EIF4B: variants seen among roughly 807,000 people sequenced by gnomAD.
EIF4B encodes the protein eukaryotic translation initiation factor 4B.
In EIF4B, 8 loss-of-function variants were observed where a neutral mutation model predicts 79.3. The observed-to-expected ratio is 0.10, with a 90% CI of 0.06 to 0.18. The LOEUF is 0.18. Ranked by LOEUF, EIF4B falls within the 10% of genes least tolerant of loss-of-function variation. EIF4B has a pLI of 1.00. For synonymous variants in EIF4B, 238 were observed against 274.7 expected, an observed-to-expected ratio of 0.87 and a Z score of 1.32; for missense variants, 515 against 792.4, an observed-to-expected ratio of 0.65 and a Z score of 4.20.
Position 53,034,008 on chromosome 12 carries a change from A to G in EIF4B, c.1182A>G (p.Pro394=), listed in dbSNP as rs1943492944. The stretch of plus-strand genomic sequence containing the variant: ...AGTTGCAGCGTCAGCTGGATGAGCC[A>G]AAACTAGAACGACGGCCTCGGGAGA... The part of the protein sequence containing the change: ...QEKLQRQLDE[P]KLERRPRERH... The change falls in exon 9 of 15, where the codon CCA becomes CCG. Residue 394 remains proline, a synonymous_variant. Coordinates refer to ENST00000262056, the MANE Select transcript of EIF4B (RefSeq NM_001417.7). The G allele has an allele frequency of 4.3e-6, 7 of 1,613,176 alleles. No homozygotes were observed. Among genetic ancestry groups the G allele is most frequent in the Non-Finnish European group, 5.9e-6 (7 of 1,179,584 alleles).
At chr12:53,017,958 C>T (rs1011178791) in intron 2 of EIF4B, among the ~76,000 whole-genome samples, 2 of 152,120 alleles carry the variant, frequency 1.3e-5, no homozygotes, top group African/African-American at 4.8e-5. Flanking sequence ...AATTCATGGA[C>T]AGTGCTGTAG....
At position 53,035,213 on chromosome 12, in the gene EIF4B, A is replaced by G. The variant is rs945718522; in HGVS notation, c.1306+504A>G. Among the ~76,000 whole-genome samples, 19 of 150,798 alleles carry G rather than the reference A, an allele frequency of 1.3e-4. 1 individual carries two copies. Among genetic ancestry groups the G allele is most frequent in the African/African-American group, 4.6e-4 (19 of 41,054 alleles). ...CCTTACCATGATGTGTTTTTTTTGT[A>G]TTTTGTTTTGAGACAGGGTCTTACT... On this transcript the variant is annotated intron_variant, in intron 10 of 14. Transcript: ENST00000262056.
chr12:53,028,110 C>A lies in EIF4B; in HGVS notation c.901C>A (p.Arg301=). Residue 301 remains arginine (R), a synonymous_variant, in exon 8 of 15, where the codon CGA becomes AGA. Coordinates refer to ENST00000262056, the MANE Select transcript of EIF4B (RefSeq NM_001417.7). ...YRGGGDRYED[R]YDRRDDRSWS... ...AGGAGGCGGGGACCGCTATGAAGAC[C>A]GATATGACAGACGGGATGATCGGTC... is the stretch of plus-strand genomic sequence containing the variant. 6.2e-7 allele frequency: 1 copy of A among 1,613,948 alleles called. No individual in the cohort carries two copies. The highest frequency in any genetic ancestry group is 8.5e-7 in the Non-Finnish European group (1 of 1,179,972).
At chr12:53,017,843 A>G (rs1440494377) in intron 2 of EIF4B, among the ~76,000 whole-genome samples, 1 of 152,154 alleles carries the variant, frequency 6.6e-6, no homozygotes, top group African/African-American at 2.4e-5. Context: ...CACCTGCCTC[A>G]GCCTCCCAAA....
chr12:53,018,826 C>T lies in EIF4B; in HGVS notation c.180C>T (p.Asp60=), dbSNP rs185747457. 364 of 1,613,112 alleles carry T rather than the reference C, an allele frequency of 2.3e-4. No homozygotes were observed. In the African/African-American group the frequency reaches 4.3e-3, roughly 19 times the overall value. ...DVSTTWHSND[D]DVYRAPPIDR... ...CGACCACTTGGCACAGTAACGATGA[C>T]GATGTGTATAGGGCGCCTCCAATTG... Residue 60 remains aspartate, a synonymous_variant, in exon 3 of 15, where the codon GAC becomes GAT. Transcript: ENST00000262056.
intron 10 of EIF4B, among the ~76,000 whole-genome samples, chr12:53,036,148 T>C (rs1016036793): frequency 1.4e-5 from 2 of 141,946 alleles, no homozygotes; most frequent in African/African-American, 5.3e-5. Flanking sequence ...GTTTCGCTCT[T>C]TTTGCCCAGG....
chr12:53,027,288 C>T (rs1418656427), intron 6 of EIF4B, among the ~76,000 whole-genome samples: 4 of 151,324 alleles, frequency 2.6e-5, no homozygotes, highest in South Asian at 2.1e-4. Flanking sequence ...TGTGCGTCAC[C>T]ACGCCCAGCT....
At chr12:53,015,402 A>C (rs1284019946) in intron 1 of EIF4B, among the ~76,000 whole-genome samples, 7 of 152,214 alleles carry the variant, frequency 4.6e-5, no homozygotes, top group African/African-American at 1.4e-4. Flanking sequence ...AGTTGTGGCC[A>C]GGCACCATGG....
chr12:53,019,350 G>T (rs1943199248), intron 3 of EIF4B, among the ~76,000 whole-genome samples: 1 of 150,274 alleles, frequency 6.7e-6, no homozygotes, highest in Non-Finnish European at 1.5e-5. Context: ...GGTGAGCCGA[G>T]ATTGCGCCAT....
At chr12:53,039,455 AGTC>A in intron 13 of EIF4B, 112 bp downstream of exon 13, 1 of 1,232,528 alleles carries the variant, frequency 8.1e-7, no homozygotes, top group Non-Finnish European at 1.1e-6. Context: ...AGCAAACTAA[AGTC>A]AGCCAACGTA....
intron 14 of EIF4B, 78 bp from the exon 15 acceptor site, chr12:53,040,065 G>T (rs1214200453): frequency 1.3e-6 from 2 of 1,528,388 alleles, no homozygotes; most frequent in African/African-American, 2.7e-5. Flanking sequence ...CATTGCCAAA[G>T]GATCAGTATC....
At chr12:53,029,637 G>A (rs938252671) in intron 8 of EIF4B, among the ~76,000 whole-genome samples, 3 of 152,150 alleles carry the variant, frequency 2.0e-5, no homozygotes, top group Non-Finnish European at 4.4e-5. Flanking sequence ...GCCTCCCAAA[G>A]TGTTGGGATT....
chr12:53,019,150 GC>G, intron 3 of EIF4B, 144 bp downstream of exon 3: 7 of 1,041,602 alleles, frequency 6.7e-6, no homozygotes, highest in Non-Finnish European at 8.2e-6. Context: ...TGTAATCCCA[GC>G]ACTCTGGGAG....
chr12:53,006,924 G>A (rs1761590726), intron 1 of EIF4B, among the ~76,000 whole-genome samples: 1 of 150,860 alleles, frequency 6.6e-6, no homozygotes, highest in African/African-American at 2.4e-5. Context: ...GTAGCGGACC[G>A]GAGTGGGGGG....
At chr12:53,020,485 A>G (rs1294762737) in intron 4 of EIF4B, among the ~76,000 whole-genome samples, 3 of 152,238 alleles carry the variant, frequency 2.0e-5, no homozygotes, top group Non-Finnish European at 4.4e-5. Flanking sequence ...CTACAAAGGA[A>G]TATTTTACAG....
At chr12:53,039,904 T>C (rs2120993991) in intron 14 of EIF4B, 2 of 747,548 alleles carry the variant, frequency 2.7e-6, no homozygotes, top group East Asian at 5.4e-5. Flanking sequence ...TCCTGGTTTC[T>C]GTCTTCCTTT....
rs1943265518 is a variant in EIF4B, at chr12:53,022,639, T to G, written c.667+12T>G. 1 of 1,612,434 alleles carries G rather than the reference T, an allele frequency of 6.2e-7. No homozygotes were observed. The highest frequency in any genetic ancestry group is 1.1e-5 in the South Asian group (1 of 90,858). ...TAGCTTTGGAGACAGTAAGTTTGTT[T>G]TTATGAAGTTAGCTTCCTCTGTGCT... is the stretch of plus-strand genomic sequence containing the variant. On this transcript the variant is annotated intron_variant, in intron 6 of 14. Coordinates refer to ENST00000262056, the MANE Select transcript of EIF4B (RefSeq NM_001417.7).
At chr12:53,027,959 T>C (rs772004433) in intron 7 of EIF4B, 40 bp downstream of exon 7, 7 of 1,509,674 alleles carry the variant, frequency 4.6e-6, no homozygotes, top group African/African-American at 1.6e-5. Flanking sequence ...TCAGTAACTT[T>C]GCCTTTTTTT....
intron 1 of EIF4B, among the ~76,000 whole-genome samples, chr12:53,010,018 G>T (rs543984348): frequency 1.3e-5 from 2 of 152,308 alleles, no homozygotes; most frequent in South Asian, 4.1e-4. Flanking sequence ...TAAATTTGTA[G>T]TAGATACTGC....
Sources: allele counts gnomAD v4.1 joint callset (sites outside exome capture counted in the v4.1 genomes callset), GRCh38; gene constraint gnomAD v4.1.1; transcripts MANE v1.5; gene names NCBI Gene and HGNC (gene_info 2026-07-23, HGNC 2026-07-21).